Variants in PARP10 observed in about 807,000 individuals in gnomAD.
The protein encoded by PARP10 is poly(ADP-ribose) polymerase family member 10.
In PARP10, 56 loss-of-function variants were observed where a neutral mutation model predicts 82.4. The ratio of observed to expected loss-of-function variants is 0.68; its 90% confidence interval spans 0.55 to 0.85. The LOEUF (loss-of-function observed/expected upper bound fraction) is 0.85. Among genes scored for constraint, PARP10 ranks in the 40% least tolerant of loss-of-function variants. PARP10 has a pLI of 0.00. For synonymous variants in PARP10, 576 were observed against 601.1 expected, an observed-to-expected ratio of 0.96 and a Z score of 0.61; for missense variants, 1,227 against 1,379.4, an observed-to-expected ratio of 0.89 and a Z score of 1.75.
intron 1 of PARP10, among the ~76,000 whole-genome samples, chr8:144,006,606 T>C (rs1404065035): frequency 2.0e-5 from 3 of 152,220 alleles, no homozygotes; most frequent in Admixed American, 2.0e-4. Flanking sequence ...GAGTCTGCTA[T>C]GGACTAAATG....
At chr8:143,997,705 C>T (rs982081509) in intron 1 of PARP10, among the ~76,000 whole-genome samples, 2 of 152,030 alleles carry the variant, frequency 1.3e-5, no homozygotes, top group Admixed American at 1.3e-4. Context: ...CCTGAGATCC[C>T]AACTCCCACT....
At chr8:143,995,783 C>A (rs542344190), upstream of PARP10, among the ~76,000 whole-genome samples, 20 of 152,250 alleles carry the variant, frequency 1.3e-4, no homozygotes, top group South Asian at 3.9e-3. Flanking sequence ...ACTACTCTGA[C>A]CATGATGGAT....
At chr8:143,982,679 G>T (rs1194448897) in intron 9 of PARP10, among the ~76,000 whole-genome samples, 1 of 152,204 alleles carries the variant, frequency 6.6e-6, no homozygotes, top group Non-Finnish European at 1.5e-5. Flanking sequence ...AGTCCCTGCT[G>T]ACCCAGCCAC....
At chr8:143,991,536 C>A, upstream of PARP10, 3 of 1,476,528 alleles carry the variant, frequency 2.0e-6, no homozygotes, top group East Asian at 2.3e-5. Flanking sequence ...GGGGCCATAT[C>A]CCCAGAGCCC....
upstream of PARP10, among the ~76,000 whole-genome samples, chr8:143,994,091 C>T (rs1314179271): frequency 1.3e-5 from 2 of 152,218 alleles, no homozygotes; most frequent in Non-Finnish European, 2.9e-5. Context: ...CGGCTCTAGG[C>T]CCAGAGGCAG....
chr8:143,991,378 A>G (rs782775051), upstream of PARP10: 3 of 1,120,142 alleles, frequency 2.7e-6, no homozygotes, highest in Admixed American at 2.9e-5. Flanking sequence ...CCCTCCCCCT[A>G]CGGTCAGCCA....
chr8:143,981,554 GAT>G (rs2133040948), intron 9 of PARP10, among the ~76,000 whole-genome samples: 3 of 93,586 alleles, frequency 3.2e-5, no homozygotes, highest in South Asian at 2.8e-4. Flanking sequence ...TGATGGTGAT[GAT>G]GGTGGTGACG....
At chr8:143,991,342 C>A, upstream of PARP10, 1 of 1,369,768 alleles carries the variant, frequency 7.3e-7, no homozygotes. Flanking sequence ...TACCCTGGGG[C>A]CCCTTACCCA....
chr8:143,991,596 CCTGA>C, upstream of PARP10: 1 of 1,606,130 alleles, frequency 6.2e-7, no homozygotes, highest in Non-Finnish European at 8.5e-7. Flanking sequence ...AGGACAAGAC[CCTGA>C]CTGTGAGTCT....
In PARP10 at chr8:143,986,247, T is replaced by A; in HGVS notation, c.3-14A>T. ...GCCATTGCAACCCTGGGACGGGGCA[T>A]CAGGTGGGTAGGGAAACAGCCCATT... is the stretch of plus-strand genomic sequence containing the variant. On this transcript the variant is annotated splice_polypyrimidine_tract_variant and intron_variant, in intron 1 of 10. Coordinates refer to ENST00000313028, the MANE Select transcript of PARP10 (RefSeq NM_032789.5). The A allele has an allele frequency of 6.2e-7, 1 of 1,613,794 alleles. No homozygotes were observed. Among genetic ancestry groups the A allele is most frequent in the Non-Finnish European group, 8.5e-7 (1 of 1,179,766 alleles).
chr8:143,992,796 C>T (rs1554750819), upstream of PARP10: 4 of 1,613,870 alleles, frequency 2.5e-6, no homozygotes, highest in Non-Finnish European at 3.4e-6. Flanking sequence ...ACATCATCAA[C>T]ATCTTCCTGT....
At chr8:144,004,729 T>C (rs1834223446) in intron 1 of PARP10, among the ~76,000 whole-genome samples, 1 of 152,114 alleles carries the variant, frequency 6.6e-6, no homozygotes, top group Non-Finnish European at 1.5e-5. Context: ...ACAGATTATA[T>C]CTGAGAGACA....
At position 143,985,869 on chromosome 8, in the gene PARP10, C is replaced by A. The variant is rs1213686704; in HGVS notation, c.288G>T (p.Leu96=). 6.2e-6 allele frequency: 10 copies of A among 1,606,626 alleles called. No homozygotes were observed. In the African/African-American group the frequency reaches 9.4e-5, roughly 15 times the overall value. The change falls in exon 3 of 11, where the codon CTG becomes CTT. Residue 96 remains leucine, a synonymous_variant. Coordinates refer to ENST00000313028, the MANE Select transcript of PARP10 (RefSeq NM_032789.5). ...AGCGCTGGGGCGTGGTGCCAGGGGGCAGTCCTTGGAGCAGCAGGCGTGCAG... is the reference window on the plus strand; with the variant it reads ...AGCGCTGGGGCGTGGTGCCAGGGGGAAGTCCTTGGAGCAGCAGGCGTGCAG... The part of the protein sequence containing the change: ...RAPARLLLQG[L]PPGTTPQRLE...
At chr8:143,979,041 C>T (rs908353624) in intron 9 of PARP10, among the ~76,000 whole-genome samples, 1 of 151,016 alleles carries the variant, frequency 6.6e-6, no homozygotes. Context: ...GGCACGATCT[C>T]GGCTCACTGC....
At position 143,986,017 on chromosome 8, in the gene PARP10, C is replaced by G. The variant is rs782303756; in HGVS notation, c.181+38G>C. The G allele has an allele frequency of 1.2e-5, 19 of 1,606,746 alleles. No homozygotes were observed. The South Asian group carries it at 2.0e-4, about 17-fold the overall frequency. On this transcript the variant is annotated intron_variant, in intron 2 of 10. Transcript: ENST00000313028. ...GGCAGGATGTCAGGCATTAGAATAT[C>G]AGGGCACCCAGGCTGTCCCTTCAGC... is the stretch of plus-strand genomic sequence containing the variant.
upstream of PARP10, chr8:143,993,015 C>T: frequency 3.3e-6 from 2 of 615,196 alleles, no homozygotes; most frequent in Non-Finnish European, 5.7e-6. Flanking sequence ...CCATTTGGAC[C>T]CGCTGTGGCC....
At position 143,983,437 on chromosome 8, in the gene PARP10, C is replaced by G; in HGVS notation, c.2152G>C (p.Asp718His). The change falls in exon 8 of 11, where the codon GAT (aspartate) becomes CAT (histidine). Residue 718 changes from aspartate to histidine, a missense_variant. Asp to His is a moderately conservative substitution (Grantham distance 81, BLOSUM62 -1). Coordinates refer to ENST00000313028, the MANE Select transcript of PARP10 (RefSeq NM_032789.5). The part of the protein sequence containing the change: ...QLVVHSAFEQ[D>H]VEELDRALRA... Reference sequence around the variant, plus strand: ...AGCGCCCGGTCCAGCTCCTCCACATCCTGCTCAAAGGCCGAGTGCACCACC... The same window carrying G: ...AGCGCCCGGTCCAGCTCCTCCACATGCTGCTCAAAGGCCGAGTGCACCACC... 2 of 1,605,660 alleles carry G rather than the reference C, an allele frequency of 1.2e-6. No homozygotes were observed. Among genetic ancestry groups the G allele is most frequent in the Non-Finnish European group, 1.7e-6 (2 of 1,179,424 alleles).
In PARP10 at chr8:143,978,101, C is replaced by T; in HGVS notation, c.2557-20G>A. On this transcript the variant is annotated intron_variant, in intron 9 of 10. Transcript: ENST00000313028. Reference sequence around the variant, plus strand: ...CTCCACCTGCGGGGAAGGCCCGGGCCAGGATTAAACACCCTCCCTACGCCC... The same window carrying T: ...CTCCACCTGCGGGGAAGGCCCGGGCTAGGATTAAACACCCTCCCTACGCCC... 4 of 1,482,036 alleles carry T rather than the reference C, an allele frequency of 2.7e-6. No individual in the cohort carries two copies. The highest frequency in any genetic ancestry group is 3.6e-6 in the Non-Finnish European group (4 of 1,116,880). 91.8% of individuals were successfully genotyped at this position (1,482,036 alleles called of 1,614,324 possible). A position where few individuals can be genotyped will look rare whatever the true frequency, so the allele number is the denominator to read the frequency against.
At chr8:144,010,383 T>G (rs1554752371) in intron 1 of PARP10, among the ~76,000 whole-genome samples, 1 of 152,206 alleles carries the variant, frequency 6.6e-6, no homozygotes, top group Non-Finnish European at 1.5e-5. Context: ...CACTGGCATA[T>G]GCAAAGAGAA....
Sources: gnomAD v4.1 joint callset for allele counts (sites outside exome capture counted in the v4.1 genomes callset) on GRCh38, gnomAD v4.1.1 for gene constraint, MANE v1.5 for transcripts, NCBI Gene and HGNC (gene_info 2026-07-23, HGNC 2026-07-21) for gene names.